The following C5orf15 variants were observed in gnomAD, a reference collection of about 807,000 sequenced individuals.
C5orf15 encodes chromosome 5 open reading frame 15.
C5orf15 carries 10 observed loss-of-function variants against 17.8 expected under a neutral mutation model. The observed-to-expected ratio is 0.56, with a 90% CI of 0.35 to 0.95. The LOEUF (loss-of-function observed/expected upper bound fraction) is 0.95. C5orf15 is among the 40% of genes least tolerant of loss of function. C5orf15 has a pLI of 0.02. For synonymous variants in C5orf15, 124 were observed against 131.0 expected, an observed-to-expected ratio of 0.95 and a Z score of 0.36; for missense variants, 319 against 331.7, an observed-to-expected ratio of 0.96 and a Z score of 0.30.
At chr5:133,967,612 T>C (rs1002178318) in intron 1 of C5orf15, among the ~76,000 whole-genome samples, 8 of 152,174 alleles carry the variant, frequency 5.3e-5, no homozygotes, top group African/African-American at 1.9e-4. Flanking sequence ...CATGCAACAT[T>C]TGCAAGAAAT....
chr5:133,957,584 G>A (rs1483585737), intron 2 of C5orf15, among the ~76,000 whole-genome samples: 10 of 152,068 alleles, frequency 6.6e-5, no homozygotes, highest in Non-Finnish European at 1.0e-4. Context: ...CTAAACAGTG[G>A]GATATAATAT....
Position 133,962,521 on chromosome 5 carries a change from T to G in C5orf15, c.140-2501A>C, listed in dbSNP as rs146219140. On this transcript the variant is annotated intron_variant, in intron 1 of 2. Coordinates refer to ENST00000231512, the MANE Select transcript of C5orf15 (RefSeq NM_020199.3). ...TAAGCTATAATGCACTAACTTACTT[T>G]CATCCAACTCCAAAGTCATGCCCCC... Among the ~76,000 whole-genome samples the G allele has an allele frequency of 2.9e-3, 443 of 152,296 alleles. 5 individuals carry two copies. Among genetic ancestry groups the G allele is most frequent in the African/African-American group, 8.7e-3 (362 of 41,562 alleles).
At chr5:133,962,367 T>C (rs1461295454) in intron 1 of C5orf15, among the ~76,000 whole-genome samples, 1 of 152,188 alleles carries the variant, frequency 6.6e-6, no homozygotes, top group Admixed American at 6.5e-5. Context: ...GTTTAAGTAA[T>C]AGCTGTTTTT....
chr5:133,966,253 T>A (rs534475238), intron 1 of C5orf15, among the ~76,000 whole-genome samples: 1 of 152,144 alleles, frequency 6.6e-6, no homozygotes, highest in East Asian at 1.9e-4. Flanking sequence ...ATTCTCCCCT[T>A]CTACTGGTCC....
chr5:133,957,222 G>C (rs1288997414), intron 2 of C5orf15, among the ~76,000 whole-genome samples: 4 of 151,976 alleles, frequency 2.6e-5, no homozygotes, highest in African/African-American at 9.7e-5. Context: ...AAATTAGCCA[G>C]GCATGGAGGC....
rs142222221 is a variant in C5orf15, at chr5:133,964,053, C to T, written c.140-4033G>A. 9.2e-5 allele frequency among the ~76,000 whole-genome samples: 14 copies of T among 152,142 alleles called. No homozygotes were observed. In the East Asian group the frequency reaches 2.7e-3, roughly 29 times the overall value. On this transcript the variant is annotated intron_variant, in intron 1 of 2. Coordinates refer to ENST00000231512, the MANE Select transcript of C5orf15 (RefSeq NM_020199.3). ...CCAAAATGGTGAAACCCCATCTCTA[C>T]CAAAAATACAAAAATTAGCTGGGTG...
Position 133,959,684 on chromosome 5 carries a change from G to A in C5orf15, c.476C>T (p.Pro159Leu). The A allele has an allele frequency of 1.9e-6, 3 of 1,613,312 alleles. No homozygotes were observed. Among genetic ancestry groups the A allele is most frequent in the Non-Finnish European group, 1.7e-6 (2 of 1,179,734 alleles). ...GTCATCAGACTCGTCGTCGTCCCTG[G>A]GGCCCGTGGTCCAGTCATAGTCTGG... The part of the protein sequence containing the change: ...GEPDYDWTTG[P>L]RDDDESDDTL... The change falls in exon 2 of 3, where the codon CCC (proline) becomes CTC (leucine). Residue 159 changes from proline (P) to leucine (L), a missense_variant. By Grantham distance (98) the Pro-to-Leu change is moderately conservative. Around this residue, in one of 3 missense-constraint regions of C5orf15, gnomAD observed 175 missense variants for 192.4 expected, o/e 0.91. Coordinates refer to ENST00000231512, the MANE Select transcript of C5orf15 (RefSeq NM_020199.3).
Position 133,962,243 on chromosome 5 carries a change from T to G in C5orf15, c.140-2223A>C, listed in dbSNP as rs73787980. 9.6e-3 allele frequency among the ~76,000 whole-genome samples: 1,455 copies of G among 152,294 alleles called. 27 individuals are homozygous for G. Among genetic ancestry groups the G allele is most frequent in the African/African-American group, 0.033 (1,388 of 41,546 alleles). Reference sequence around the variant, plus strand: ...GGGTGGGAATAATTATAAAGAAATTTCCACCACGCAGTATAGAATTCACAG... The same window carrying G: ...GGGTGGGAATAATTATAAAGAAATTGCCACCACGCAGTATAGAATTCACAG... On this transcript the variant is annotated intron_variant, in intron 1 of 2. Coordinates refer to ENST00000231512, the MANE Select transcript of C5orf15 (RefSeq NM_020199.3).
At chr5:133,959,412 A>AAG (rs1752085274) in intron 2 of C5orf15, 82 bp downstream of exon 2, 1 of 591,726 alleles carries the variant, frequency 1.7e-6, no homozygotes, top group African/African-American at 2.0e-5. Flanking sequence ...TGCAAAAAAA[A>AAG]AAAAAAAAAA....
rs376171401 is a variant in C5orf15 at position 133,959,992 on chromosome 5, T to A, written c.168A>T (p.Pro56=). The A allele has an allele frequency of 3.2e-5, 51 of 1,611,158 alleles. No homozygotes were observed. The highest frequency in any genetic ancestry group is 4.0e-5 in the Non-Finnish European group (47 of 1,177,594). ...SVVSRTDSPS[P]TVLNSHISTP... is the part of the protein sequence containing the mutation. ...TAGAAATATGTGAGTTGAGTACGGT[T>A]GGGCTCGGTGAATCAGTCCGTGATA... is the stretch of plus-strand genomic sequence containing the variant. The change falls in exon 2 of 3, where the codon CCA becomes CCT. Residue 56 remains proline (P), a synonymous_variant. Transcript: ENST00000231512.
At chr5:133,961,822 T>C (rs1272105453) in intron 1 of C5orf15, among the ~76,000 whole-genome samples, 2 of 151,832 alleles carry the variant, frequency 1.3e-5, no homozygotes, top group African/African-American at 4.8e-5. Flanking sequence ...CAGGCTGCTC[T>C]CATATTCCAG....
chr5:133,957,898 C>A (rs1479200894), intron 2 of C5orf15, among the ~76,000 whole-genome samples: 1 of 152,218 alleles, frequency 6.6e-6, no homozygotes, highest in Non-Finnish European at 1.5e-5. Flanking sequence ...TTTGATCTCC[C>A]TTTAAGGATT....
intron 2 of C5orf15, 79 bp downstream of exon 2, chr5:133,959,404 CAAAAAAAAAAA>C (rs397999300): frequency 1.1e-4 from 14 of 124,564 alleles, no homozygotes; most frequent in Non-Finnish European, 1.7e-4. Flanking sequence ...CTTTTTTTTG[CAAAAAAAAAAA>C]AAAAAAAAAA....
In C5orf15 at chr5:133,955,917, A is replaced by G. The variant is rs1268980613; in HGVS notation, c.*942T>C. 1 of 152,252 alleles carries G rather than the reference A, an allele frequency of 6.6e-6. No individual in the cohort carries two copies. The highest frequency in any genetic ancestry group is 2.4e-5 in the African/African-American group (1 of 41,474). The allele number at this position is 152,252 out of a possible 1,614,324, so 9.4% of individuals were successfully genotyped here. A position where few individuals can be genotyped will look rare whatever the true frequency, so the allele number is the denominator to read the frequency against. ...AAACAAAGAAAACAAGTGTGGGGGA[A>G]AAAAGGTAATTGTACACAAATATCC... is the stretch of plus-strand genomic sequence containing the variant. On this transcript the variant is annotated 3_prime_UTR_variant, in exon 3 of 3. Coordinates refer to ENST00000231512, the MANE Select transcript of C5orf15 (RefSeq NM_020199.3).
chr5:133,959,125 G>A (rs1486546982), intron 2 of C5orf15, among the ~76,000 whole-genome samples: 2 of 152,106 alleles, frequency 1.3e-5, no homozygotes, highest in Non-Finnish European at 2.9e-5. Context: ...CAACACTTTG[G>A]GAGGCCGAGG....
chr5:133,964,524 T>C (rs1472707235), intron 1 of C5orf15, among the ~76,000 whole-genome samples: 2 of 152,184 alleles, frequency 1.3e-5, no homozygotes, highest in Non-Finnish European at 2.9e-5. Flanking sequence ...GTCGTGATAT[T>C]GCACTATTGT....
At chr5:133,959,472 G>T in intron 2 of C5orf15, 22 bp downstream of exon 2, 1 of 1,337,344 alleles carries the variant, frequency 7.5e-7, no homozygotes, top group Non-Finnish European at 9.9e-7. Flanking sequence ...ATAATAAAGG[G>T]CTAAAAAAAT....
At chr5:133,965,399 C>T (rs1458675368) in intron 1 of C5orf15, among the ~76,000 whole-genome samples, 1 of 152,072 alleles carries the variant, frequency 6.6e-6, no homozygotes, top group Non-Finnish European at 1.5e-5. Flanking sequence ...AAATACAGCA[C>T]AAGAAAAAAC....
At position 133,959,902 on chromosome 5, in the gene C5orf15, G is replaced by A. The variant is rs1283311373; in HGVS notation, c.258C>T (p.Thr86=). The A allele has an allele frequency of 1.2e-6, 2 of 1,614,002 alleles. No homozygotes were observed. Among genetic ancestry groups the A allele is most frequent in the South Asian group, 2.2e-5 (2 of 91,056 alleles). The change falls in exon 2 of 3, where the codon ACC becomes ACT. Residue 86 remains threonine (T), a synonymous_variant. Coordinates refer to ENST00000231512, the MANE Select transcript of C5orf15 (RefSeq NM_020199.3). ...QTKPSISQIS[T]TLPPTTSTKK... The stretch of plus-strand genomic sequence containing the variant: ...TGGTACTCGTCGTGGGAGGGAGGGT[G>A]GTGCTGATTTGGGAAATAGAAGGTT...
Sources: gnomAD v4.1 joint callset for allele counts (sites outside exome capture counted in the v4.1 genomes callset) on GRCh38, gnomAD v4.1.1 for gene constraint, gnomAD v4.1.1 regional missense constraint, MANE v1.5 for transcripts, NCBI Gene and HGNC (gene_info 2026-07-23, HGNC 2026-07-21) for gene names.